GALNT13: variants seen among roughly 807,000 people sequenced by gnomAD.
GALNT13 encodes the protein UDP-GalNAc:polypeptide N-acetylgalactosaminyltransferase 13.
GALNT13 carries 28 observed loss-of-function variants against 64.2 expected under a neutral mutation model. The observed-to-expected ratio is 0.44, with a 90% CI of 0.32 to 0.60. GALNT13 has a LOEUF of 0.60. GALNT13 is among the 20% of genes least tolerant of loss of function. GALNT13 has a pLI of 0.05. For synonymous variants in GALNT13, 214 were observed against 224.6 expected (o/e 0.95, Z 0.42); for missense variants, 577 against 669.8 (o/e 0.86, Z 1.53).
chr2:153,393,267 AT>A, the GALNT13 span, among the ~76,000 whole-genome samples: 1,117 of 145,806 alleles, frequency 7.7e-3, 10 homozygotes, highest in African/African-American at 0.022. Context: ...AGAAGTCTCC[AT>A]TTTTTTTTTT....
chr2:154,185,543 G>A (rs961184846), intron 4 of GALNT13, among the ~76,000 whole-genome samples: 1 of 151,268 alleles, frequency 6.6e-6, no homozygotes, highest in African/African-American at 2.4e-5. Context: ...CTTTTTTATT[G>A]TTTTTACTTT....
chr2:153,662,842 A>G, the GALNT13 span, among the ~76,000 whole-genome samples: 5 of 152,214 alleles, frequency 3.3e-5, no homozygotes, highest in East Asian at 1.9e-4. Flanking sequence ...CCAAAAGTCA[A>G]TGTCTTTAAG....
intron 9 of GALNT13, among the ~76,000 whole-genome samples, chr2:154,361,481 C>G (rs1025270784): frequency 6.6e-6 from 1 of 152,040 alleles, no homozygotes; most frequent in African/African-American, 2.4e-5. Context: ...TCAGACTGTC[C>G]TGGATTGAAA....
chr2:153,405,507 C>T, the GALNT13 span, among the ~76,000 whole-genome samples: 1 of 152,156 alleles, frequency 6.6e-6, no homozygotes, highest in Admixed American at 6.5e-5. Context: ...CCACAGGTAT[C>T]CTCAGTTGTT....
chr2:153,319,770 G>C, the GALNT13 span, among the ~76,000 whole-genome samples: 2 of 152,104 alleles, frequency 1.3e-5, no homozygotes, highest in South Asian at 4.2e-4. Flanking sequence ...GATCCTCACC[G>C]TATTCCTTTG....
At chr2:153,561,594 G>A in the GALNT13 span, among the ~76,000 whole-genome samples, 12 of 151,594 alleles carry the variant, frequency 7.9e-5, no homozygotes, top group African/African-American at 2.9e-4. Context: ...AGATTTTAGA[G>A]CATTTTGCAT....
chr2:154,273,772 T>C (rs904643950), intron 8 of GALNT13, among the ~76,000 whole-genome samples: 2 of 152,162 alleles, frequency 1.3e-5, no homozygotes, highest in African/African-American at 2.4e-5. Flanking sequence ...AATCACCTAA[T>C]GGTGCATTCC....
intron 3 of GALNT13, among the ~76,000 whole-genome samples, chr2:153,978,429 C>T (rs191506503): frequency 9.3e-4 from 141 of 152,260 alleles, no homozygotes; most frequent in African/African-American, 3.2e-3. Context: ...GCTGTGTCCC[C>T]ACCCAAATCT....
At chr2:154,180,588 AACCATGTATAAGAATTCTAAAAATC>A (rs1265726072) in intron 4 of GALNT13, among the ~76,000 whole-genome samples, 1 of 152,098 alleles carries the variant, frequency 6.6e-6, no homozygotes, top group Non-Finnish European at 1.5e-5. Flanking sequence ...AAAAATCCAC[AACCATGTATAAGAATTCTAAAAATC>A]ACCATGCATA....
the GALNT13 span, among the ~76,000 whole-genome samples, chr2:153,440,183 G>C: frequency 1.3e-4 from 20 of 150,514 alleles, no homozygotes; most frequent in Admixed American, 1.3e-3. Flanking sequence ...TCCCACTTAT[G>C]AGTGAGAACA....
intron 3 of GALNT13, among the ~76,000 whole-genome samples, chr2:154,118,502 T>G (rs1681735531): frequency 6.6e-6 from 1 of 151,956 alleles, no homozygotes; most frequent in Non-Finnish European, 1.5e-5. Context: ...AGAAATGTAA[T>G]AAATTTACAT....
At chr2:153,653,591 T>A in the GALNT13 span, among the ~76,000 whole-genome samples, 1 of 152,216 alleles carries the variant, frequency 6.6e-6, no homozygotes, top group Non-Finnish European at 1.5e-5. Flanking sequence ...TGGTTTCCAA[T>A]GACCAAAGCT....
chr2:153,078,915 C>G, the GALNT13 span, among the ~76,000 whole-genome samples: 1 of 152,102 alleles, frequency 6.6e-6, no homozygotes, highest in Admixed American at 6.5e-5. Flanking sequence ...AATAAACTTA[C>G]TTAGTCATGA....
chr2:153,419,803 T>C, the GALNT13 span, among the ~76,000 whole-genome samples: 1 of 152,178 alleles, frequency 6.6e-6, no homozygotes, highest in Non-Finnish European at 1.5e-5. Flanking sequence ...AAGTGAAAAT[T>C]AGTTTCACGT....
intron 8 of GALNT13, among the ~76,000 whole-genome samples, chr2:154,285,271 C>A (rs1227323645): frequency 1.3e-5 from 2 of 152,026 alleles, no homozygotes. Flanking sequence ...CTTTTGGAGT[C>A]CTAGCCAAGA....
chr2:153,872,612 TTG>T (rs1686031156), intron 1 of GALNT13, among the ~76,000 whole-genome samples: 1 of 32,490 alleles, frequency 3.1e-5, no homozygotes. Context: ...CGGTGAGTTG[TTG>T]GTGGCGGGGG....
chr2:153,533,723 C>CTTTTTTTTTTTTGTTTTTTTTTTTT, the GALNT13 span, among the ~76,000 whole-genome samples: 1 of 48,732 alleles, frequency 2.1e-5, no homozygotes, highest in Non-Finnish European at 3.6e-5. Context: ...TGAGGTTTTT[C>CTTTTTTTTTTTTGTTTTTTTTTTTT]TTTTTTTTTT....
chr2:153,239,687 T>C, the GALNT13 span, among the ~76,000 whole-genome samples: 1 of 152,212 alleles, frequency 6.6e-6, no homozygotes, highest in East Asian at 1.9e-4. Flanking sequence ...CACTTAGTCA[T>C]GATGAATAAT....
chr2:153,454,153 C>T, the GALNT13 span, among the ~76,000 whole-genome samples: 1 of 152,110 alleles, frequency 6.6e-6, no homozygotes, highest in Non-Finnish European at 1.5e-5. Context: ...AGTCTTGAAA[C>T]CCTAACTATT....
Sources: gnomAD v4.1 joint callset for allele counts (sites outside exome capture counted in the v4.1 genomes callset) on GRCh38, gnomAD v4.1.1 for gene constraint, MANE v1.5 for transcripts, NCBI Gene and HGNC (gene_info 2026-07-23, HGNC 2026-07-21) for gene names.